DNAH7: variants seen among roughly 807,000 people sequenced by gnomAD.
DNAH7 encodes dynein axonemal heavy chain 7, also known as axonemal beta dynein heavy chain 7.
Under a neutral mutation model 444.6 loss-of-function variants are expected in DNAH7, and 397 were observed. That is an observed-to-expected ratio of 0.89 (90% CI 0.82 to 0.97). DNAH7 has a LOEUF of 0.97. Ranked by LOEUF, DNAH7 falls within the 50% of genes least tolerant of loss-of-function variation. The pLI is 0.00. For synonymous variants in DNAH7, 1,636 were observed against 1,624.4 expected (o/e 1.01, Z -0.17); for missense variants, 4,902 against 4,800.8 (o/e 1.02, Z -0.62).
rs774502020 is a variant in DNAH7, at chr2:195,960,429, T to C, written c.2722A>G (p.Met908Val). 6.2e-7 allele frequency: 1 copy of C among 1,614,074 alleles called. No individual in the cohort carries two copies. Among genetic ancestry groups the C allele is most frequent in the East Asian group, 2.2e-5 (1 of 44,896 alleles). Residue 908 changes from methionine to valine, a missense_variant, in exon 18 of 65, where the codon ATG (methionine) becomes GTG (valine). Transcript: ENST00000312428. ...TCCACTGCATCCCACTCAGTAATCA[T>C]CTTCTCCATCGCCTTTTCAAGAGAA... ...EYSLEKAMEK[M>V]ITEWDAVEFV...
In DNAH7 at chr2:195,808,895, C is replaced by T. The variant is rs147314753; in HGVS notation, c.9889-19G>A. On this transcript the variant is annotated intron_variant, in intron 52 of 64. Transcript: ENST00000312428. The stretch of plus-strand genomic sequence containing the variant: ...TATTAATCTTTGGAAAACAAGGCAG[C>T]GTGAAGAGTCAGAAACGAGTTCATC... 1.9e-5 allele frequency: 31 copies of T among 1,605,548 alleles called. No homozygotes were observed. The highest frequency in any genetic ancestry group is 6.7e-5 in the African/African-American group (5 of 74,640).
intron 29 of DNAH7, among the ~76,000 whole-genome samples, chr2:195,896,740 G>C (rs1253091613): frequency 6.6e-6 from 1 of 152,034 alleles, no homozygotes; most frequent in African/African-American, 2.4e-5. Flanking sequence ...ACAAATTGAG[G>C]GAAAACTTTA....
At chr2:195,840,743 A>C (rs949340305) in intron 47 of DNAH7, among the ~76,000 whole-genome samples, 1 of 151,800 alleles carries the variant, frequency 6.6e-6, no homozygotes, top group Non-Finnish European at 1.5e-5. Flanking sequence ...CAGAAATAAA[A>C]GAAATACTGG....
At chr2:196,044,433 A>T (rs1696973724) in intron 5 of DNAH7, among the ~76,000 whole-genome samples, 1 of 148,384 alleles carries the variant, frequency 6.7e-6, no homozygotes, top group Non-Finnish European at 1.5e-5. Flanking sequence ...GACTCTGGAG[A>T]CTCAAGGGGG....
intron 19 of DNAH7, among the ~76,000 whole-genome samples, chr2:195,952,187 T>C (rs929492328): frequency 2.6e-5 from 4 of 152,246 alleles, no homozygotes; most frequent in African/African-American, 7.2e-5. Flanking sequence ...CCTTCACTTA[T>C]GAAGCTTAGT....
chr2:195,906,816 G>C, intron 26 of DNAH7, 30 bp from the exon 27 acceptor site: 1 of 1,612,064 alleles, frequency 6.2e-7, no homozygotes, highest in Non-Finnish European at 8.5e-7. Context: ...AAATGACTTA[G>C]TAATACCACA....
chr2:195,961,105 T>G (rs1296376942), intron 17 of DNAH7, among the ~76,000 whole-genome samples, 160 bp from the exon 18 acceptor site: 1 of 152,222 alleles, frequency 6.6e-6, no homozygotes, highest in Non-Finnish European at 1.5e-5. Flanking sequence ...TAATCTCATT[T>G]TCCTATTTAC....
In DNAH7 at chr2:196,043,319, C is replaced by T. The variant is rs535310228; in HGVS notation, c.398+4033G>A. Among the ~76,000 whole-genome samples, 7 of 151,956 alleles carry T rather than the reference C, an allele frequency of 4.6e-5. No homozygotes were observed. In the East Asian group the frequency reaches 1.4e-3, roughly 29 times the overall value. ...GGTTAGAGAGAACCAAGACAGATTA[C>T]CAACAAAATAATGACAAATAAAGTC... is the stretch of plus-strand genomic sequence containing the variant. On this transcript the variant is annotated intron_variant, in intron 5 of 64. Coordinates refer to ENST00000312428, the MANE Select transcript of DNAH7 (RefSeq NM_018897.3).
rs1011327567 is a variant in DNAH7, at chr2:195,895,376, AT to A, written c.4648-153del. On this transcript the variant is annotated intron_variant, in intron 29 of 64. Transcript: ENST00000312428. ...GAATAGTTCACATACGCAAACGTGTATTTTTTTCTTTTTTTCAATTTTTAAA... is the reference window on the plus strand; with the variant it reads ...GAATAGTTCACATACGCAAACGTGTATTTTTTCTTTTTTTCAATTTTTAAA... The A allele has an allele frequency of 3.9e-5, 20 of 517,438 alleles. 1 individual carries two copies. Among genetic ancestry groups the A allele is most frequent in the African/African-American group, 6.0e-5 (3 of 50,094 alleles). 32.1% of individuals were successfully genotyped at this position (517,438 alleles called of 1,614,324 possible).
chr2:195,771,855 A>C lies in DNAH7; in HGVS notation c.11238T>G (p.Asp3746Glu). Residue 3746 changes from aspartate to glutamate, a missense_variant, in exon 61 of 65, where the codon GAT (aspartate) becomes GAG (glutamate). Transcript: ENST00000312428. ...RSAGAGAKSSDEVVNEVASDI... is the reference protein window; with the variant it reads ...RSAGAGAKSSEEVVNEVASDI... ...CACTAGCGACCTCATTCACTACTTC[A>C]TCTGATGATTTTGCACCAGCACCTG... 1 of 1,614,236 alleles carries C rather than the reference A, an allele frequency of 6.2e-7. No homozygotes were observed. Among genetic ancestry groups the C allele is most frequent in the Non-Finnish European group, 8.5e-7 (1 of 1,180,032 alleles).
intron 64 of DNAH7, among the ~76,000 whole-genome samples, 147 bp downstream of exon 64, chr2:195,740,611 GTGTGTATA>G (rs1232747242): frequency 2.7e-3 from 181 of 66,100 alleles, no homozygotes; most frequent in Non-Finnish European, 4.4e-3. Flanking sequence ...GTGTGTGTGT[GTGTGTATA>G]TATATATATA....
At chr2:195,997,897 C>T (rs1361459542) in intron 12 of DNAH7, among the ~76,000 whole-genome samples, 1 of 152,104 alleles carries the variant, frequency 6.6e-6, no homozygotes, top group African/African-American at 2.4e-5. Context: ...GAATCTGTAT[C>T]TCTGGGGCAA....
chr2:195,896,593 G>T (rs910332426), intron 29 of DNAH7, among the ~76,000 whole-genome samples: 6 of 152,128 alleles, frequency 3.9e-5, no homozygotes, highest in African/African-American at 1.2e-4. Context: ...ACCTCCACTT[G>T]AGAAATACTG....
intron 12 of DNAH7, chr2:195,995,613 C>T (rs563751152): frequency 1.4e-5 from 4 of 285,078 alleles, no homozygotes; most frequent in East Asian, 2.0e-4. Flanking sequence ...AGAGGGGACC[C>T]GGAGGGCCAA....
chr2:196,056,448 G>C (rs892258003), intron 2 of DNAH7, among the ~76,000 whole-genome samples: 2 of 150,786 alleles, frequency 1.3e-5, no homozygotes, highest in Non-Finnish European at 3.0e-5. Flanking sequence ...AAAAAGAAAT[G>C]TTTTTTCTTT....
intron 56 of DNAH7, 70 bp from the exon 57 acceptor site, chr2:195,794,608 A>G (rs1696050531): frequency 6.9e-7 from 1 of 1,446,778 alleles, no homozygotes; most frequent in Non-Finnish European, 9.7e-7. Flanking sequence ...CATACATATG[A>G]AGGATGAGTT....
chr2:196,037,872 A>G (rs922326659), intron 5 of DNAH7, among the ~76,000 whole-genome samples: 1 of 152,206 alleles, frequency 6.6e-6, no homozygotes, highest in Non-Finnish European at 1.5e-5. Flanking sequence ...ATAAACATCT[A>G]GAAATACAAA....
At chr2:195,851,867 T>C (rs1032984040) in intron 46 of DNAH7, among the ~76,000 whole-genome samples, 4 of 152,090 alleles carry the variant, frequency 2.6e-5, no homozygotes, top group Non-Finnish European at 4.4e-5. Flanking sequence ...AATGTCAATG[T>C]AGGAGAGTAG....
intron 60 of DNAH7, among the ~76,000 whole-genome samples, chr2:195,773,804 A>T (rs1228201782): frequency 6.6e-6 from 1 of 152,228 alleles, no homozygotes; most frequent in African/African-American, 2.4e-5. Context: ...CAATTTTTCT[A>T]TTCTAAATAG....
Sources: gnomAD v4.1 joint callset for allele counts (sites outside exome capture counted in the v4.1 genomes callset) on GRCh38, gnomAD v4.1.1 for gene constraint, MANE v1.5 for transcripts, NCBI Gene and HGNC (gene_info 2026-07-23, HGNC 2026-07-21) for gene names.